The following FRMD5 variants were observed in gnomAD, a reference collection of about 807,000 sequenced individuals.
FRMD5 encodes the protein FERM domain-containing protein 5.
In FRMD5, 20 loss-of-function variants were observed where a neutral mutation model predicts 69.0. That is an observed-to-expected ratio of 0.29 (90% CI 0.20 to 0.42). The LOEUF (loss-of-function observed/expected upper bound fraction) is 0.42, where lower values mean the gene tolerates loss of function less well. Among genes scored for constraint, FRMD5 ranks in the 10% least tolerant of loss-of-function variants. The pLI is 1.00. For missense variants in FRMD5, 595 were observed against 708.6 expected (o/e 0.84, Z 1.82); for synonymous variants, 271 against 260.1 (o/e 1.04, Z -0.40).
At chr15:44,113,905 TAAAC>T (rs1237244293) in intron 1 of FRMD5, among the ~76,000 whole-genome samples, 2 of 152,192 alleles carry the variant, frequency 1.3e-5, no homozygotes, top group African/African-American at 4.8e-5. Context: ...TATGAAATAT[TAAAC>T]AAACACCAGA....
chr15:43,897,642 G>A (rs1489494279), intron 7 of FRMD5, among the ~76,000 whole-genome samples: 3 of 151,926 alleles, frequency 2.0e-5, no homozygotes, highest in Admixed American at 2.0e-4. Flanking sequence ...TTTTGTGGTT[G>A]ATCTAACCTA....
chr15:43,957,236 C>T (rs1283847325), intron 1 of FRMD5, among the ~76,000 whole-genome samples: 1 of 152,016 alleles, frequency 6.6e-6, no homozygotes, highest in African/African-American at 2.4e-5. Flanking sequence ...GGCTCTGTCA[C>T]CCAGGCTGGA....
chr15:44,073,199 C>G (rs1236570825), intron 1 of FRMD5, among the ~76,000 whole-genome samples: 1 of 152,062 alleles, frequency 6.6e-6, no homozygotes, highest in African/African-American at 2.4e-5. Flanking sequence ...GTAAATCTTA[C>G]GTATTCCTCT....
intron 1 of FRMD5, among the ~76,000 whole-genome samples, chr15:44,100,443 AT>A (rs2140524870): frequency 6.6e-6 from 1 of 152,278 alleles, no homozygotes; most frequent in East Asian, 1.9e-4. Flanking sequence ...ACTATAAATA[AT>A]TAGTGTATGT....
At chr15:44,087,569 A>C (rs765171625) in intron 1 of FRMD5, among the ~76,000 whole-genome samples, 5 of 152,162 alleles carry the variant, frequency 3.3e-5, no homozygotes, top group African/African-American at 4.8e-5. Flanking sequence ...AACCTGTGCA[A>C]GTTACTTTTC....
chr15:44,056,391 G>T (rs553132041), intron 1 of FRMD5, among the ~76,000 whole-genome samples: 61 of 152,298 alleles, frequency 4.0e-4, no homozygotes, highest in Non-Finnish European at 6.6e-4. Flanking sequence ...CTCAATATAG[G>T]CTAGTCAGTT....
At chr15:43,876,270 AACTCTGG>A (rs1299348681) in intron 13 of FRMD5, 12 of 1,462,820 alleles carry the variant, frequency 8.2e-6, no homozygotes, top group Non-Finnish European at 1.1e-5. Flanking sequence ...TTGAACTCTG[AACTCTGG>A]GCCTGGTTTT....
upstream of FRMD5, among the ~76,000 whole-genome samples, chr15:44,196,114 C>T (rs2078292484): frequency 6.6e-6 from 1 of 152,138 alleles, no homozygotes; most frequent in Non-Finnish European, 1.5e-5. Context: ...TTTACCAGAA[C>T]TTCAATAAGA....
chr15:44,180,724 G>A (rs1312475703), intron 1 of FRMD5, among the ~76,000 whole-genome samples: 1 of 152,162 alleles, frequency 6.6e-6, no homozygotes, highest in East Asian at 1.9e-4. Flanking sequence ...GGCAGAAGTT[G>A]CAGTGAGCTG....
chr15:43,892,856 C>T (rs2088824962), intron 7 of FRMD5, among the ~76,000 whole-genome samples: 1 of 152,202 alleles, frequency 6.6e-6, no homozygotes, highest in African/African-American at 2.4e-5. Flanking sequence ...ATAATCCCAG[C>T]ACTTTGGGAG....
At chr15:43,878,922 TTTTTC>T (rs1405575581) in intron 13 of FRMD5, among the ~76,000 whole-genome samples, 7 of 149,946 alleles carry the variant, frequency 4.7e-5, no homozygotes, top group Admixed American at 6.6e-5. Context: ...TTTCTTTTTT[TTTTTC>T]TTTTCTTTTT....
chr15:44,132,254 G>T lies in FRMD5; in HGVS notation c.102+62699C>A, dbSNP rs186183441. 3.2e-3 allele frequency among the ~76,000 whole-genome samples: 490 copies of T among 152,294 alleles called. 4 individuals are homozygous for T. The highest frequency in any genetic ancestry group is 5.8e-3 in the Non-Finnish European group (395 of 68,028). The stretch of plus-strand genomic sequence containing the variant: ...AACACAGATGAAGCATCACTTGCTC[G>T]TCCACCACTCACCTCTTGCCGTGTG... On this transcript the variant is annotated intron_variant, in intron 1 of 13. Transcript: ENST00000417257.
chr15:43,875,364 ATATATATATATAT>A (rs1183303079), intron 13 of FRMD5, among the ~76,000 whole-genome samples: 6 of 76,198 alleles, frequency 7.9e-5, no homozygotes, highest in Non-Finnish European at 1.2e-4. Context: ...AAAAAAAAAA[ATATATATATATAT>A]ATATATATAT....
intron 1 of FRMD5, among the ~76,000 whole-genome samples, chr15:43,937,552 C>T (rs985593064): frequency 1.4e-4 from 21 of 150,396 alleles, no homozygotes; most frequent in African/African-American, 3.9e-4. Flanking sequence ...GCAGGAGAAT[C>T]GCTTGAACTT....
chr15:43,985,047 A>G (rs1383918144), intron 1 of FRMD5, among the ~76,000 whole-genome samples: 1 of 151,542 alleles, frequency 6.6e-6, no homozygotes, highest in Non-Finnish European at 1.5e-5. Flanking sequence ...TTGGGAGGCC[A>G]AGGCAGGCAG....
At position 43,981,380 on chromosome 15, in the gene FRMD5, G is replaced by A. The variant is rs572679583; in HGVS notation, c.103-57071C>T. Among the ~76,000 whole-genome samples the A allele has an allele frequency of 2.6e-5, 4 of 152,268 alleles. No homozygotes were observed. In the South Asian group the frequency reaches 8.3e-4, roughly 32 times the overall value. On this transcript the variant is annotated intron_variant, in intron 1 of 13. Transcript: ENST00000417257. ...ATTTACTATTCATTTAGTGTAAATG[G>A]ATTATCATAAAGGTCTTTATCCTTG...
intron 1 of FRMD5, among the ~76,000 whole-genome samples, chr15:44,131,598 T>C (rs2077098396): frequency 6.6e-6 from 1 of 152,190 alleles, no homozygotes; most frequent in South Asian, 2.1e-4. Context: ...CAATGGAATA[T>C]TATTCAGCCT....
In FRMD5 at chr15:43,971,062, TAAAACAAAAC is replaced by T. The variant is rs111273331; in HGVS notation, c.103-46763_103-46754del. On this transcript the variant is annotated intron_variant, in intron 1 of 13. Transcript: ENST00000417257. ...CAACATGGTGAAACCTTGTCTCTAC[TAAAACAAAAC>T]AAAACAAAACAAAACAAAACATTGC... Among the ~76,000 whole-genome samples the T allele has an allele frequency of 5.2e-3, 785 of 151,020 alleles. 12 individuals are homozygous for T. Among genetic ancestry groups the T allele is most frequent in the African/African-American group, 0.018 (738 of 40,960 alleles).
At position 43,873,262 on chromosome 15, in the gene FRMD5, A is replaced by G; in HGVS notation, c.*623T>C. ...AAAAACAAAAGGAAAAGAAAATCCA[A>G]CTCAGACCATCATAAGAAGCAACTT... is the stretch of plus-strand genomic sequence containing the variant. On this transcript the variant is annotated 3_prime_UTR_variant, in exon 14 of 14. Transcript: ENST00000417257. 9.1e-6 allele frequency: 14 copies of G among 1,545,926 alleles called. No individual in the cohort carries two copies. Among genetic ancestry groups the G allele is most frequent in the Non-Finnish European group, 1.2e-5 (14 of 1,145,852 alleles).
Sources: allele counts gnomAD v4.1 joint callset (sites outside exome capture counted in the v4.1 genomes callset), GRCh38; gene constraint gnomAD v4.1.1; transcripts MANE v1.5; gene names NCBI Gene and HGNC (gene_info 2026-07-23, HGNC 2026-07-21).